The following KDM4B variants were observed in gnomAD, a reference collection of about 807,000 sequenced individuals.
The protein encoded by KDM4B is lysine demethylase 4B, also known as lysine-specific demethylase 4B.
A neutral mutation model predicts 125.2 loss-of-function variants in KDM4B; 32 were observed. The ratio of observed to expected loss-of-function variants is 0.26; its 90% CI spans 0.19 to 0.34. The LOEUF is 0.34. Ranked by LOEUF, KDM4B falls within the 10% of genes least tolerant of loss-of-function variation. KDM4B has a pLI of 1.00. For missense variants in KDM4B, 1,190 were observed against 1,577.7 expected (o/e 0.75, Z 4.16); for synonymous variants, 721 against 677.9 (o/e 1.06, Z -0.99).
intron 5 of KDM4B, among the ~76,000 whole-genome samples, chr19:5,042,749 C>CGCGGGGATG (rs2036863578): frequency 6.6e-6 from 1 of 151,266 alleles, no homozygotes; most frequent in South Asian, 2.1e-4. Flanking sequence ...AGGACAGCAC[C>CGCGGGGATG]GCGGGGATGG....
chr19:5,080,508 G>T (rs1307172698), intron 8 of KDM4B, among the ~76,000 whole-genome samples: 6 of 152,236 alleles, frequency 3.9e-5, no homozygotes, highest in Non-Finnish European at 8.8e-5. Flanking sequence ...AGCCAGCTGG[G>T]AGACACCGCC....
chr19:4,988,125 A>G (rs2034903395), intron 1 of KDM4B, among the ~76,000 whole-genome samples: 1 of 152,174 alleles, frequency 6.6e-6, no homozygotes, highest in African/African-American at 2.4e-5. Context: ...CCCTCCGTTC[A>G]GTTCACTCCT....
rs532690500 is a variant in KDM4B at position 4,973,857 on chromosome 19, C to T, written c.-109+4627C>T. ...AAAAAAAAAAAAAACTGGCTGGGTGCGGTGGCTCATGCCTGTAATCCCAGC... is the reference window on the plus strand; with the variant it reads ...AAAAAAAAAAAAAACTGGCTGGGTGTGGTGGCTCATGCCTGTAATCCCAGC... On this transcript the variant is annotated intron_variant, in intron 1 of 22. Transcript: ENST00000159111. Among the ~76,000 whole-genome samples, 4 of 149,222 alleles carry T rather than the reference C, an allele frequency of 2.7e-5. No homozygotes were observed. The South Asian group carries it at 6.3e-4, about 24-fold the overall frequency.
rs181810771 is a variant in KDM4B at position 5,099,431 on chromosome 19, C to T, written c.919-11191C>T. Among the ~76,000 whole-genome samples the T allele has an allele frequency of 1.3e-3, 194 of 152,268 alleles. 1 individual carries two copies. The highest frequency in any genetic ancestry group is 3.4e-3 in the Middle Eastern group (1 of 294). On this transcript the variant is annotated intron_variant, in intron 9 of 22. Coordinates refer to ENST00000159111, the MANE Select transcript of KDM4B (RefSeq NM_015015.3). ...GTGCAAGACAATTGAAATATGGAAACCTCAAGGGCCATTTGACCAAAGGGC... is the reference window on the plus strand; with the variant it reads ...GTGCAAGACAATTGAAATATGGAAATCTCAAGGGCCATTTGACCAAAGGGC...
chr19:5,131,477 C>T lies in KDM4B; in HGVS notation c.1717C>T (p.Pro573Ser), dbSNP rs747372978. ...AGTTTCCCCCATGGAGCTGACGGGG[C>T]CAGAGGACGGTGCAGCCAGCAGTGG... ...EPVSPMELTG[P>S]EDGAASSGAG... The change falls in exon 12 of 23, where the codon CCA (proline) becomes TCA (serine). Residue 573 changes from proline (P) to serine (S), a missense_variant. Physicochemically the swap from Pro to Ser is moderately conservative, Grantham distance 74. This residue lies in a region of KDM4B where 428 missense variants were observed against 405.1 expected (regional missense o/e 1.06). Coordinates refer to ENST00000159111, the MANE Select transcript of KDM4B (RefSeq NM_015015.3). 5 of 1,561,566 alleles carry T rather than the reference C, an allele frequency of 3.2e-6. No homozygotes were observed. The South Asian group carries it at 5.6e-5, about 17-fold the overall frequency.
At chr19:4,990,633 T>G (rs1234474975) in intron 1 of KDM4B, among the ~76,000 whole-genome samples, 2 of 152,214 alleles carry the variant, frequency 1.3e-5, no homozygotes, top group African/African-American at 4.8e-5. Context: ...ATCCAGTGTC[T>G]CTTTTAGATC....
At position 5,000,697 on chromosome 19, in the gene KDM4B, T is replaced by C. The variant is rs562102015; in HGVS notation, c.-108-15560T>C. On this transcript the variant is annotated intron_variant, in intron 1 of 22. Coordinates refer to ENST00000159111, the MANE Select transcript of KDM4B (RefSeq NM_015015.3). ...ACATGGATTAGTTCTTCCATTTTTT[T>C]CCCCCTTCTTTACTGTGGTTATATT... Among the ~76,000 whole-genome samples the C allele has an allele frequency of 1.3e-3, 203 of 152,310 alleles. 1 individual carries two copies. Among genetic ancestry groups the C allele is most frequent in the African/African-American group, 4.4e-3 (184 of 41,568 alleles).
intron 9 of KDM4B, among the ~76,000 whole-genome samples, chr19:5,087,894 G>A (rs1231855339): frequency 6.6e-6 from 1 of 152,214 alleles, no homozygotes; most frequent in Admixed American, 6.5e-5. Flanking sequence ...TCGAGTCTCT[G>A]GACGGGGGCT....
intron 9 of KDM4B, among the ~76,000 whole-genome samples, chr19:5,100,608 G>A (rs1487035495): frequency 6.6e-6 from 1 of 152,040 alleles, no homozygotes; most frequent in Admixed American, 6.6e-5. Flanking sequence ...TTGTAGAGAT[G>A]GGGTCTCGCC....
chr19:5,068,320 T>C (rs2037840500), intron 6 of KDM4B, among the ~76,000 whole-genome samples: 2 of 152,304 alleles, frequency 1.3e-5, no homozygotes, highest in East Asian at 1.9e-4. Flanking sequence ...GCCAGTTCCA[T>C]GGCCCGCCCA....
intron 21 of KDM4B, 112 bp from the exon 22 acceptor site, chr19:5,150,246 C>T (rs959460902): frequency 1.1e-5 from 8 of 736,092 alleles, no homozygotes; most frequent in Admixed American, 1.0e-4. Flanking sequence ...TGGCCTCTAG[C>T]GGGCCCCATG....
intron 9 of KDM4B, among the ~76,000 whole-genome samples, chr19:5,092,048 A>G (rs1042870250): frequency 2.0e-5 from 3 of 152,188 alleles, no homozygotes; most frequent in Admixed American, 6.5e-5. Flanking sequence ...GCGTGGGGAG[A>G]ATCTGCAGCT....
At chr19:5,079,150 A>G (rs1395372738) in intron 8 of KDM4B, 1 of 152,142 alleles carries the variant, frequency 6.6e-6, no homozygotes, top group Non-Finnish European at 1.5e-5. Context: ...TTAATAATTA[A>G]AAGTGTGTAC....
chr19:5,033,155 G>A, intron 3 of KDM4B, 124 bp downstream of exon 3: 1 of 1,113,046 alleles, frequency 9.0e-7, no homozygotes, highest in East Asian at 2.4e-5. Flanking sequence ...GTGTTTCGGG[G>A]CCACTCCCAG....
At chr19:5,006,353 A>C (rs1599398127) in intron 1 of KDM4B, among the ~76,000 whole-genome samples, 1 of 148,628 alleles carries the variant, frequency 6.7e-6, no homozygotes, top group African/African-American at 2.5e-5. Context: ...TGCTCCTCCC[A>C]CCCCTCCTCA....
chr19:5,009,849 A>T (rs1317799773), intron 1 of KDM4B, among the ~76,000 whole-genome samples: 1 of 151,994 alleles, frequency 6.6e-6, no homozygotes, highest in Non-Finnish European at 1.5e-5. Context: ...CTCCTGCCTC[A>T]GCCTCCTGAG....
chr19:5,071,146 C>A, intron 7 of KDM4B, 87 bp downstream of exon 7: 1 of 1,284,610 alleles, frequency 7.8e-7, no homozygotes, highest in Non-Finnish European at 1.1e-6. Flanking sequence ...GTCCCCCGGG[C>A]TCTGCTGCGG....
Position 5,114,285 on chromosome 19 carries a change from C to T in KDM4B, c.1115+3467C>T. The T allele has an allele frequency of 8.1e-7, 1 of 1,234,372 alleles. No individual in the cohort carries two copies. Among genetic ancestry groups the T allele is most frequent in the Non-Finnish European group, 1.1e-6 (1 of 938,218 alleles). 76.5% of individuals were successfully genotyped at this position (1,234,372 alleles called of 1,614,324 possible). On this transcript the variant is annotated intron_variant, in intron 10 of 22. Coordinates refer to ENST00000159111, the MANE Select transcript of KDM4B (RefSeq NM_015015.3). This position sits in a 1 kb window ranked among gnomAD's most constrained non-coding sequence, Gnocchi z 5.8. ...CCACAGCCTCCCTGGCCCACTGCTG[C>T]TCTGTGAGCCCGGCTGGGCCCAGGC...
intron 22 of KDM4B, 37 bp downstream of exon 22, chr19:5,150,487 C>G (rs1490936991): frequency 1.4e-6 from 2 of 1,456,594 alleles, no homozygotes; most frequent in Non-Finnish European, 1.9e-6. Flanking sequence ...CTCCGGGTGA[C>G]TCAGGGAGCC....
Sources: gnomAD v4.1 joint callset for allele counts (sites outside exome capture counted in the v4.1 genomes callset) on GRCh38, gnomAD v4.1.1 for gene constraint, gnomAD v4.1.1 regional missense constraint, Gnocchi (gnomAD v3.1) non-coding constraint, MANE v1.5 for transcripts, NCBI Gene and HGNC (gene_info 2026-07-23, HGNC 2026-07-21) for gene names.